Variants in DAB1 observed in about 807,000 individuals in gnomAD.
DAB1 encodes the protein DAB adaptor protein 1.
A neutral mutation model predicts 64.6 loss-of-function variants in DAB1; 15 were observed. That is an observed-to-expected ratio of 0.23 (90% confidence interval 0.16 to 0.36). DAB1 has a LOEUF of 0.36. DAB1 is among the 10% of genes least tolerant of loss of function. The pLI is 1.00. For missense variants in DAB1, 596 were observed against 706.7 expected (o/e 0.84, Z 1.78); for synonymous variants, 235 against 251.9 (o/e 0.93, Z 0.64).
At chr1:58,402,647 A>T (rs1557750217) in intron 3 of DAB1, among the ~76,000 whole-genome samples, 1 of 145,516 alleles carries the variant, frequency 6.9e-6, no homozygotes, top group African/African-American at 2.5e-5. Context: ...GGAAAGGAGG[A>T]GGGGGGGAGA....
chr1:57,955,666 GA>G (rs1379781126), intron 5 of DAB1, among the ~76,000 whole-genome samples: 1 of 151,972 alleles, frequency 6.6e-6, no homozygotes, highest in Non-Finnish European at 1.5e-5. Flanking sequence ...AGCACAAGAG[GA>G]TACAGCCCAA....
chr1:57,638,114 C>T (rs188834447), intron 7 of DAB1, among the ~76,000 whole-genome samples: 1 of 151,382 alleles, frequency 6.6e-6, no homozygotes, highest in Non-Finnish European at 1.5e-5. Flanking sequence ...ATAAATATAC[C>T]CAAATGAGGG....
At chr1:57,206,605 C>G (rs1325992085) in intron 2 of DAB1, among the ~76,000 whole-genome samples, 1 of 152,192 alleles carries the variant, frequency 6.6e-6, no homozygotes, top group Non-Finnish European at 1.5e-5. Context: ...TCATGGTTCT[C>G]TCTTTGCTCA....
chr1:57,917,832 C>T lies in DAB1; in HGVS notation n.388-33670G>A, dbSNP rs187471951. Among the ~76,000 whole-genome samples, 110 of 152,248 alleles carry T rather than the reference C, an allele frequency of 7.2e-4. 2 individuals carry two copies. The East Asian group carries it at 0.014, about 20-fold the overall frequency. ...CCCCATGCTCACATTGATGCTACTT[C>T]ATTTTTGAGACACCAGTAAATAGAC... On this transcript the variant is annotated intron_variant and non_coding_transcript_variant, in intron 5 of 20. Transcript: ENST00000485760.
intron 4 of DAB1, among the ~76,000 whole-genome samples, chr1:58,277,376 AG>A (rs1243749189): frequency 1.3e-5 from 2 of 152,150 alleles, no homozygotes; most frequent in Non-Finnish European, 2.9e-5. Flanking sequence ...CTGGCACTTA[AG>A]CTTTCTCTGG....
intron 5 of DAB1, among the ~76,000 whole-genome samples, chr1:58,127,422 T>A (rs1653187772): frequency 6.6e-6 from 1 of 151,252 alleles, no homozygotes; most frequent in South Asian, 2.1e-4. Context: ...CTGTTCACTC[T>A]GATGGTAGTT....
At chr1:58,393,118 ATCTT>A (rs1260899445) in intron 3 of DAB1, among the ~76,000 whole-genome samples, 1 of 137,902 alleles carries the variant, frequency 7.3e-6, no homozygotes, top group African/African-American at 3.0e-5. Flanking sequence ...TTACTTCCAA[ATCTT>A]TTTTTTTTTT....
intron 5 of DAB1, among the ~76,000 whole-genome samples, chr1:58,146,769 T>C (rs1355633707): frequency 6.6e-6 from 1 of 152,002 alleles, no homozygotes; most frequent in Non-Finnish European, 1.5e-5. Flanking sequence ...AGAATATATG[T>C]GAATATATTG....
At chr1:57,815,698 T>A (rs1396060812) in intron 6 of DAB1, among the ~76,000 whole-genome samples, 1 of 151,584 alleles carries the variant, frequency 6.6e-6, no homozygotes, top group Non-Finnish European at 1.5e-5. Flanking sequence ...CAGAATGCAC[T>A]CAACAAACAT....
At chr1:58,335,863 G>A (rs183394979) in intron 4 of DAB1, among the ~76,000 whole-genome samples, 154 of 152,318 alleles carry the variant, frequency 1.0e-3, no homozygotes, top group Non-Finnish European at 1.7e-3. Context: ...TGAATTTATG[G>A]AGGGTGGGAG....
At chr1:57,873,595 T>C (rs184373522) in intron 1 of DAB1, among the ~76,000 whole-genome samples, 1 of 152,184 alleles carries the variant, frequency 6.6e-6, no homozygotes, top group Non-Finnish European at 1.5e-5. Context: ...CGGGACCACA[T>C]GTACAGAAAA....
intron 5 of DAB1, among the ~76,000 whole-genome samples, chr1:58,049,546 C>G (rs10889079): frequency 0.083 from 12,649 of 152,076 alleles, 744 homozygotes; most frequent in African/African-American, 0.16. Context: ...TAGGTTGTGA[C>G]CTGCTGGTAA....
chr1:58,140,525 T>C (rs1654223634), intron 5 of DAB1, among the ~76,000 whole-genome samples: 1 of 152,096 alleles, frequency 6.6e-6, no homozygotes, highest in Non-Finnish European at 1.5e-5. Context: ...TCTGACCAGA[T>C]GCTACTTCTC....
At chr1:58,015,911 A>G (rs560321619) in intron 5 of DAB1, among the ~76,000 whole-genome samples, 8 of 152,130 alleles carry the variant, frequency 5.3e-5, no homozygotes, top group Non-Finnish European at 8.8e-5. Context: ...AGAAAGAGAC[A>G]TGGCCCTTTC....
chr1:57,195,540 C>T (rs1664557008), intron 2 of DAB1, among the ~76,000 whole-genome samples: 1 of 152,228 alleles, frequency 6.6e-6, no homozygotes, highest in Admixed American at 6.5e-5. Context: ...GTAGCTTGTG[C>T]AAGCTCTCAT....
intron 6 of DAB1, among the ~76,000 whole-genome samples, chr1:57,769,120 G>A (rs906593600): frequency 1.3e-5 from 2 of 152,130 alleles, no homozygotes; most frequent in African/African-American, 4.8e-5. Context: ...CAGAGGGCCT[G>A]CTGCATGGTA....
chr1:57,032,165 G>T (rs1027799479), intron 9 of DAB1, among the ~76,000 whole-genome samples: 8 of 152,256 alleles, frequency 5.3e-5, no homozygotes, highest in African/African-American at 1.9e-4. Context: ...ATTGATGGAG[G>T]CTGAGATGTC....
intron 6 of DAB1, among the ~76,000 whole-genome samples, chr1:57,749,455 T>C (rs948937319): frequency 1.3e-5 from 2 of 152,202 alleles, no homozygotes; most frequent in Non-Finnish European, 2.9e-5. Context: ...AAGACATATC[T>C]AGATTTCCAG....
chr1:57,617,772 C>T (rs968734868), intron 7 of DAB1, among the ~76,000 whole-genome samples: 1 of 152,170 alleles, frequency 6.6e-6, no homozygotes, highest in Admixed American at 6.5e-5. Flanking sequence ...ATTTCAAACT[C>T]CTTTTCCCAA....
Sources: allele counts gnomAD v4.1 joint callset (sites outside exome capture counted in the v4.1 genomes callset), GRCh38; gene constraint gnomAD v4.1.1; transcripts MANE v1.5; gene names NCBI Gene and HGNC (gene_info 2026-07-23, HGNC 2026-07-21).